The following PMFBP1 variants were observed in gnomAD, a reference collection of about 807,000 sequenced individuals.
PMFBP1 encodes polyamine-modulated factor 1-binding protein 1.
Under a neutral mutation model 137.8 loss-of-function variants are expected in PMFBP1, and 131 were observed. The ratio of observed to expected loss-of-function variants is 0.95; its 90% CI spans 0.82 to 1.10. PMFBP1 has a LOEUF of 1.10. Among genes scored for constraint, PMFBP1 ranks in the 50% least tolerant of loss-of-function variants. The probability of loss-of-function intolerance (pLI) is 0.00; values close to 1 mark genes in which losing one functional copy is unlikely to be tolerated. For synonymous variants in PMFBP1, 490 were observed against 450.4 expected (o/e 1.09, Z -1.11); for missense variants, 1,199 against 1,175.4 (o/e 1.02, Z -0.29).
At chr16:72,159,533 T>C (rs2043030438) in intron 3 of PMFBP1, among the ~76,000 whole-genome samples, 1 of 152,222 alleles carries the variant, frequency 6.6e-6, no homozygotes, top group Non-Finnish European at 1.5e-5. Context: ...ACTGCTTCTA[T>C]CTGCAGAGAA....
At chr16:72,129,294 A>G in intron 12 of PMFBP1, 61 bp from the exon 13 acceptor site, 1 of 1,548,352 alleles carries the variant, frequency 6.5e-7, no homozygotes, top group Non-Finnish European at 8.7e-7. Flanking sequence ...TGGGGGAAAA[A>G]TACAGACAAT....
chr16:72,120,475 G>A (rs925404931), intron 19 of PMFBP1, among the ~76,000 whole-genome samples: 13 of 152,146 alleles, frequency 8.5e-5, no homozygotes, highest in Non-Finnish European at 1.8e-4. Context: ...ATGTGTCCTC[G>A]GGTTCTCATG....
At chr16:72,133,310 T>C (rs1293986168) in intron 9 of PMFBP1, among the ~76,000 whole-genome samples, 1 of 152,002 alleles carries the variant, frequency 6.6e-6, no homozygotes, top group South Asian at 2.1e-4. Context: ...TCCCAAGTAG[T>C]TGGGATTACA....
chr16:72,244,846 G>A, the PMFBP1 span, among the ~76,000 whole-genome samples: 2 of 152,172 alleles, frequency 1.3e-5, no homozygotes, highest in Non-Finnish European at 2.9e-5. Flanking sequence ...ACAGAAGAAT[G>A]GAAGGGGTTA....
At chr16:72,118,148 G>C (rs2042326927), downstream of PMFBP1, among the ~76,000 whole-genome samples, 1 of 152,196 alleles carries the variant, frequency 6.6e-6, no homozygotes, top group Non-Finnish European at 1.5e-5. Flanking sequence ...TAGTAGACTA[G>C]GCTGGGGATT....
At chr16:72,146,507 T>C (rs536651165) in intron 5 of PMFBP1, among the ~76,000 whole-genome samples, 5 of 152,232 alleles carry the variant, frequency 3.3e-5, no homozygotes, top group Admixed American at 1.3e-4. Flanking sequence ...TCGTGTAGTA[T>C]TGGAAGTTCT....
intron 14 of PMFBP1, among the ~76,000 whole-genome samples, chr16:72,127,296 AT>A (rs762062250): frequency 5.3e-5 from 8 of 152,244 alleles, no homozygotes; most frequent in African/African-American, 9.6e-5. Flanking sequence ...TTCTGACACC[AT>A]ATTTTACATG....
the PMFBP1 span, among the ~76,000 whole-genome samples, chr16:72,246,148 AG>A: frequency 1.3e-5 from 2 of 152,220 alleles, no homozygotes; most frequent in African/African-American, 2.4e-5. Context: ...CCAGTGCCTA[AG>A]AAAAGTACAT....
rs2042408111 is a variant in PMFBP1 at position 72,123,531 on chromosome 16, T to C, written c.2693+15A>G. On this transcript the variant is annotated intron_variant, in intron 18 of 20. Transcript: ENST00000237353. The stretch of plus-strand genomic sequence containing the variant: ...AGGCCTCGGACCCTGCCTCCCTTTT[T>C]CCTCCCATACTCACTTCTGCTGTTT... 1 of 1,612,334 alleles carries C rather than the reference T, an allele frequency of 6.2e-7. No homozygotes were observed. Among genetic ancestry groups the C allele is most frequent in the African/African-American group, 1.3e-5 (1 of 75,014 alleles).
the PMFBP1 span, among the ~76,000 whole-genome samples, chr16:72,240,902 G>GGT: frequency 5.3e-5 from 8 of 151,282 alleles, no homozygotes; most frequent in Middle Eastern, 3.4e-3. Context: ...TGTGTTGGGT[G>GGT]GTGTGTGTGT....
At chr16:72,192,231 G>A in the PMFBP1 span, among the ~76,000 whole-genome samples, 4 of 152,188 alleles carry the variant, frequency 2.6e-5, no homozygotes, top group East Asian at 3.8e-4. Flanking sequence ...AGACACACAC[G>A]TTTGAGAGGA....
At chr16:72,163,439 T>A (rs1044371782) in intron 3 of PMFBP1, among the ~76,000 whole-genome samples, 1 of 152,234 alleles carries the variant, frequency 6.6e-6, no homozygotes, top group Non-Finnish European at 1.5e-5. Flanking sequence ...TAGTCCAAAA[T>A]CACAGTCTCA....
intron 6 of PMFBP1, 149 bp from the exon 7 acceptor site, chr16:72,139,548 G>A (rs187308775): frequency 6.4e-5 from 44 of 686,758 alleles, no homozygotes; most frequent in African/African-American, 6.2e-4. Context: ...TAGGTAGGGA[G>A]AAGGAATTAA....
the PMFBP1 span, among the ~76,000 whole-genome samples, chr16:72,204,722 C>G: frequency 2.6e-5 from 4 of 152,172 alleles, no homozygotes; most frequent in South Asian, 8.3e-4. Flanking sequence ...TTTTCCTCCA[C>G]GTGGATTTTG....
intron 2 of PMFBP1, 149 bp from the exon 3 acceptor site, chr16:72,165,065 C>T: frequency 1.3e-6 from 1 of 778,318 alleles, no homozygotes; most frequent in East Asian, 2.8e-5. Flanking sequence ...GTAACATTTA[C>T]ACAGTTTCCA....
chr16:72,240,450 A>T, the PMFBP1 span, among the ~76,000 whole-genome samples: 1 of 152,248 alleles, frequency 6.6e-6, no homozygotes, highest in Non-Finnish European at 1.5e-5. Flanking sequence ...CTTCTAATAG[A>T]ATTCCTGACT....
chr16:72,210,659 G>A, the PMFBP1 span, among the ~76,000 whole-genome samples: 1 of 152,048 alleles, frequency 6.6e-6, no homozygotes, highest in Non-Finnish European at 1.5e-5. Context: ...ATTTGGACAG[G>A]GACAAAAAAG....
chr16:72,178,871 C>T (rs2043267146), upstream of PMFBP1, among the ~76,000 whole-genome samples: 2 of 152,038 alleles, frequency 1.3e-5, no homozygotes, highest in African/African-American at 2.4e-5. Flanking sequence ...AACAATAATA[C>T]CTACCTTACA....
At chr16:72,126,944 T>C (rs1024612194) in intron 14 of PMFBP1, among the ~76,000 whole-genome samples, 12 of 152,234 alleles carry the variant, frequency 7.9e-5, no homozygotes, top group African/African-American at 2.2e-4. Flanking sequence ...AATGAGGTGA[T>C]ATGTGTAAAA....
Sources: allele counts gnomAD v4.1 joint callset (sites outside exome capture counted in the v4.1 genomes callset), GRCh38; gene constraint gnomAD v4.1.1; transcripts MANE v1.5; gene names NCBI Gene and HGNC (gene_info 2026-07-23, HGNC 2026-07-21).